The following KIAA0586 variants were observed in gnomAD, a reference collection of about 807,000 sequenced individuals.
KIAA0586 encodes KIAA0586, also known as protein TALPID3.
KIAA0586 carries 144 observed loss-of-function variants against 169.8 expected under a neutral mutation model. The observed-to-expected ratio is 0.85, with a 90% CI of 0.74 to 0.97. The LOEUF (loss-of-function observed/expected upper bound fraction) is 0.97. Among genes scored for constraint, KIAA0586 ranks in the 50% least tolerant of loss-of-function variants. The pLI is 0.00. For synonymous variants in KIAA0586, 625 were observed against 612.4 expected, an observed-to-expected ratio of 1.02 and a Z score of -0.30; for missense variants, 1,854 against 1,823.0, an observed-to-expected ratio of 1.02 and a Z score of -0.31.
rs1045873387 is a variant in KIAA0586, at chr14:58,430,594, A to G, written c.271-54A>G. 3 of 1,131,410 alleles carry G rather than the reference A, an allele frequency of 2.7e-6. No individual in the cohort carries two copies. The African/African-American group carries it at 4.7e-5, about 18-fold the overall frequency. 70.1% of individuals were successfully genotyped at this position (1,131,410 alleles called of 1,614,324 possible). A position where few individuals can be genotyped will look rare whatever the true frequency, so the allele number is the denominator to read the frequency against. ...ACATAGCTAGTAAACGGTTCTTGAT[A>G]AATAATAAATCATGAAGTTTATTTA... On this transcript the variant is annotated intron_variant, in intron 2 of 30. Coordinates refer to ENST00000652326, the MANE Select transcript of KIAA0586 (RefSeq NM_001329943.3).
At chr14:58,479,890 A>G (rs539163217) in intron 20 of KIAA0586, among the ~76,000 whole-genome samples, 1 of 152,302 alleles carries the variant, frequency 6.6e-6, no homozygotes, top group Admixed American at 6.5e-5. Flanking sequence ...ATTCACCTGT[A>G]AGTTATACTA....
At chr14:58,551,509 C>T (rs890941843), downstream of KIAA0586, among the ~76,000 whole-genome samples, 4 of 152,146 alleles carry the variant, frequency 2.6e-5, no homozygotes, top group African/African-American at 9.7e-5. Context: ...CACCTGTAAT[C>T]CCAGCACTTT....
intron 6 of KIAA0586, among the ~76,000 whole-genome samples, chr14:58,446,139 G>A (rs1024046326): frequency 5.9e-5 from 9 of 151,638 alleles, no homozygotes; most frequent in African/African-American, 1.9e-4. Flanking sequence ...CAAAGTGTTG[G>A]GATTACAGAA....
At chr14:58,455,718 A>G (rs570843916) in intron 9 of KIAA0586, among the ~76,000 whole-genome samples, 22 of 152,152 alleles carry the variant, frequency 1.4e-4, no homozygotes, top group African/African-American at 4.1e-4. Context: ...GTGCATGCAC[A>G]TGCATGTGCT....
intron 24 of KIAA0586, among the ~76,000 whole-genome samples, chr14:58,489,810 ATT>A (rs34612922): frequency 3.3e-5 from 5 of 151,674 alleles, no homozygotes; most frequent in Non-Finnish European, 5.9e-5. Flanking sequence ...TCTAGAAAGG[ATT>A]TTTTTTTTCT....
chr14:58,550,044 G>A lies in KIAA0586; in HGVS notation c.*2112G>A, dbSNP rs2047164173. 6.6e-6 allele frequency: 1 copy of A among 151,972 alleles called. No individual in the cohort carries two copies. The highest frequency in any genetic ancestry group is 1.5e-5 in the Non-Finnish European group (1 of 68,032). 9.4% of individuals were successfully genotyped at this position (151,972 alleles called of 1,614,324 possible). ...AGATGGAATTTTGCTCGTTGCCCAG[G>A]CTGGAGTGCAATGGCACAATCTTGG... On this transcript the variant is annotated 3_prime_UTR_variant, in exon 31 of 31. Coordinates refer to ENST00000652326, the MANE Select transcript of KIAA0586 (RefSeq NM_001329943.3).
At chr14:58,474,075 A>C (rs1469006598) in intron 18 of KIAA0586, among the ~76,000 whole-genome samples, 1 of 152,104 alleles carries the variant, frequency 6.6e-6, no homozygotes, top group Non-Finnish European at 1.5e-5. Flanking sequence ...CAAGAGAGAG[A>C]GGAGGATGTG....
intron 8 of KIAA0586, 103 bp downstream of exon 8, chr14:58,450,849 C>A: frequency 1.5e-6 from 1 of 651,758 alleles, no homozygotes; most frequent in Non-Finnish European, 2.6e-6. Context: ...TAATATTTTA[C>A]TTTAAATGAC....
chr14:58,484,898 A>ATATATTTATATATATATT (rs1230592298), intron 21 of KIAA0586, among the ~76,000 whole-genome samples: 142 of 4,848 alleles, frequency 0.029, 2 homozygotes, highest in Non-Finnish European at 0.046. Flanking sequence ...ATTTATATAT[A>ATATATTTATATATATATT]TATATATATA....
intron 21 of KIAA0586, among the ~76,000 whole-genome samples, chr14:58,484,924 A>ATATTT (rs1566877360): frequency 2.3e-4 from 3 of 13,052 alleles, no homozygotes; most frequent in African/African-American, 6.1e-4. Context: ...ATATATATAT[A>ATATTT]TTTTTTTTTT....
chr14:58,529,271 G>A (rs1048213424), intron 29 of KIAA0586, among the ~76,000 whole-genome samples: 9 of 152,180 alleles, frequency 5.9e-5, no homozygotes, highest in African/African-American at 2.2e-4. Context: ...AATTCTACCA[G>A]AGGTACAAAG....
At chr14:58,542,987 G>A (rs1417285800) in intron 30 of KIAA0586, among the ~76,000 whole-genome samples, 1 of 151,966 alleles carries the variant, frequency 6.6e-6, no homozygotes, top group Non-Finnish European at 1.5e-5. Context: ...AATTAGCCGG[G>A]CGTGGTGGCG....
intron 14 of KIAA0586, among the ~76,000 whole-genome samples, chr14:58,462,761 G>A (rs1227338607): frequency 1.3e-5 from 2 of 152,322 alleles, no homozygotes; most frequent in East Asian, 1.9e-4. Flanking sequence ...ACAAGAAGGT[G>A]TAATTGACTC....
At chr14:58,529,623 A>G (rs1378473074) in intron 29 of KIAA0586, among the ~76,000 whole-genome samples, 1 of 152,234 alleles carries the variant, frequency 6.6e-6, no homozygotes, top group Admixed American at 6.5e-5. Flanking sequence ...TTATCTCAAA[A>G]GATGCAGAAA....
At chr14:58,525,992 G>A (rs2045559886) in intron 29 of KIAA0586, among the ~76,000 whole-genome samples, 1 of 152,230 alleles carries the variant, frequency 6.6e-6, no homozygotes, top group African/African-American at 2.4e-5. Context: ...AGCCGCTGTA[G>A]CCAGACTGCC....
At chr14:58,536,378 T>C (rs1048378981) in intron 29 of KIAA0586, among the ~76,000 whole-genome samples, 1 of 152,194 alleles carries the variant, frequency 6.6e-6, no homozygotes, top group Non-Finnish European at 1.5e-5. Context: ...AGCTCCCACT[T>C]ATAAGTGAGA....
chr14:58,428,091 T>C lies in KIAA0586; in HGVS notation c.-174T>C, dbSNP rs557052355. 4.8e-6 allele frequency: 7 copies of C among 1,453,456 alleles called. No homozygotes were observed. Among genetic ancestry groups the C allele is most frequent in the Non-Finnish European group, 6.3e-6 (7 of 1,107,672 alleles). The allele number at this position is 1,453,456 out of a possible 1,614,324, so 90.0% of individuals were successfully genotyped here. A position where few individuals can be genotyped will look rare whatever the true frequency, so the allele number is the denominator to read the frequency against. On this transcript the variant is annotated 5_prime_UTR_variant, in exon 1 of 31. Coordinates refer to ENST00000652326, the MANE Select transcript of KIAA0586 (RefSeq NM_001329943.3). Reference sequence around the variant, plus strand: ...TGGGATTAATGGGTAAATATGACTTTATAGTCAGCTCTAATCCTGGATTCA... The same window carrying C: ...TGGGATTAATGGGTAAATATGACTTCATAGTCAGCTCTAATCCTGGATTCA...
intron 29 of KIAA0586, among the ~76,000 whole-genome samples, chr14:58,535,459 A>C (rs1295696549): frequency 2.1e-4 from 32 of 152,236 alleles, no homozygotes; most frequent in Admixed American, 2.0e-3. Context: ...TACTCAAGTT[A>C]ATTGTGATTT....
At chr14:58,537,196 A>G (rs2046342323) in intron 29 of KIAA0586, 1 of 1,044,074 alleles carries the variant, frequency 9.6e-7, no homozygotes, top group Non-Finnish European at 1.2e-6. Context: ...TTATAAGAAT[A>G]AAAGTGGTCA....
Sources: allele counts gnomAD v4.1 joint callset (sites outside exome capture counted in the v4.1 genomes callset), GRCh38; gene constraint gnomAD v4.1.1; transcripts MANE v1.5; gene names NCBI Gene and HGNC (gene_info 2026-07-23, HGNC 2026-07-21).